Variants in UGT1A8 observed in about 807,000 individuals in gnomAD.
UGT1A8 encodes the protein UDP-glucuronosyltransferase 1A8.
In UGT1A8, 39 loss-of-function variants were observed where a neutral mutation model predicts 45.3. The ratio of observed to expected loss-of-function variants is 0.86; its 90% confidence interval spans 0.67 to 1.12. The LOEUF (loss-of-function observed/expected upper bound fraction) is 1.12, where lower values mean the gene tolerates loss of function less well. Among genes scored for constraint, UGT1A8 ranks in the 50% most tolerant of loss-of-function variants. The pLI is 0.00. For missense variants in UGT1A8, 719 were observed against 664.9 expected (o/e 1.08, Z -0.90); for synonymous variants, 275 against 249.2 (o/e 1.10, Z -0.97).
rs559725558 is a variant in UGT1A8 at position 233,636,816 on chromosome 2, G to T, written c.855+18254G>T. ...TCATGGTTTTCGCCCATGCTCAATG[G>T]AAAGCACAGGCACAAAGTATATTTT... On this transcript the variant is annotated intron_variant, in intron 1 of 4. Transcript: ENST00000373450. 2.5e-6 allele frequency: 4 copies of T among 1,614,184 alleles called. No individual in the cohort carries two copies. The East Asian group carries it at 8.9e-5, about 36-fold the overall frequency.
chr2:233,761,267 C>T, intron 1 of UGT1A8: 1 of 1,593,550 alleles, frequency 6.3e-7, no homozygotes, highest in South Asian at 1.1e-5. Flanking sequence ...TTTAAAATGC[C>T]CTCTTTTGTT....
chr2:233,625,881 A>C (rs1051658668), intron 1 of UGT1A8, among the ~76,000 whole-genome samples: 2 of 151,994 alleles, frequency 1.3e-5, no homozygotes, highest in African/African-American at 4.8e-5. Context: ...AAACATCAGC[A>C]TCACACAATA....
chr2:233,713,462 C>T lies in UGT1A8; in HGVS notation c.856-53572C>T, dbSNP rs146711966. The T allele has an allele frequency of 1.6e-4, 256 of 1,614,090 alleles. 3 individuals are homozygous for T. The African/African-American group carries it at 2.8e-3, about 18-fold the overall frequency. ...TTCTAACAGACCCCTTTCACCTCTG[C>T]GCGGCGGTGCTGGCTAAGTACCTGT... On this transcript the variant is annotated intron_variant, in intron 1 of 4. Transcript: ENST00000373450.
intron 1 of UGT1A8, chr2:233,740,604 A>T (rs537335169): frequency 3.9e-5 from 6 of 151,968 alleles, no homozygotes; most frequent in Non-Finnish European, 5.9e-5. Flanking sequence ...ACAGGTCTCC[A>T]GGTCTCTTGG....
chr2:233,705,079 A>C (rs1298601892), intron 1 of UGT1A8, among the ~76,000 whole-genome samples: 1 of 151,822 alleles, frequency 6.6e-6, no homozygotes, highest in Non-Finnish European at 1.5e-5. Flanking sequence ...GAGGTTGCAG[A>C]GAGCCAAGAT....
At chr2:233,770,476 A>T (rs1030894944) in intron 4 of UGT1A8, 3 of 152,132 alleles carry the variant, frequency 2.0e-5, no homozygotes, top group African/African-American at 7.2e-5. Flanking sequence ...CAACATGAAG[A>T]AACCTTATCT....
intron 1 of UGT1A8, among the ~76,000 whole-genome samples, chr2:233,670,264 G>C (rs892125060): frequency 3.3e-5 from 5 of 152,228 alleles, no homozygotes; most frequent in Admixed American, 1.3e-4. Context: ...GAAGAGGTGG[G>C]TTGGTTTTGC....
chr2:233,618,451 A>G lies in UGT1A8; in HGVS notation c.744A>G (p.Thr248=), dbSNP rs1487469097. 1 of 1,613,902 alleles carries G rather than the reference A, an allele frequency of 6.2e-7. No homozygotes were observed. Among genetic ancestry groups the G allele is most frequent in the Non-Finnish European group, 8.5e-7 (1 of 1,179,826 alleles). The part of the protein sequence containing the change: ...PVTAYDLYSH[T]SIWLLRTDFV... ...CAGCATATGATCTCTACAGCCACAC[A>G]TCAATTTGGTTGTTGCGAACAGACT... The change falls in exon 1 of 5, where the codon ACA becomes ACG. Residue 248 remains threonine, a synonymous_variant. Coordinates refer to ENST00000373450, the MANE Select transcript of UGT1A8 (RefSeq NM_019076.5).
intron 3 of UGT1A8, 134 bp from the exon 4 acceptor site, chr2:233,768,086 A>T: frequency 1.3e-6 from 2 of 1,591,428 alleles, no homozygotes; most frequent in Non-Finnish European, 8.6e-7. Flanking sequence ...ATCTCAACCC[A>T]CATTTTCTTC....
chr2:233,741,332 A>G (rs1691632779), intron 1 of UGT1A8, among the ~76,000 whole-genome samples: 1 of 151,816 alleles, frequency 6.6e-6, no homozygotes, highest in South Asian at 2.1e-4. Context: ...CTCTACCCAG[A>G]GTAGTGATTT....
At chr2:233,724,116 G>A (rs1387797895) in intron 1 of UGT1A8, among the ~76,000 whole-genome samples, 1 of 116,526 alleles carries the variant, frequency 8.6e-6, no homozygotes, top group Non-Finnish European at 1.7e-5. Flanking sequence ...GCCGGGCAGA[G>A]GCGCCCCTCA....
intron 1 of UGT1A8, chr2:233,690,899 ATAGTGATGTTAGTT>A: frequency 1.9e-6 from 2 of 1,035,238 alleles, no homozygotes; most frequent in Non-Finnish European, 1.2e-6. Flanking sequence ...GATGGTATGC[ATAGTGATGTTAGTT>A]TCATTTCTTC....
chr2:233,760,042 T>C (rs1697309671), intron 1 of UGT1A8, among the ~76,000 whole-genome samples: 1 of 152,232 alleles, frequency 6.6e-6, no homozygotes, highest in African/African-American at 2.4e-5. Context: ...TACTTTGCTG[T>C]GTTCACTCAA....
At chr2:233,729,792 C>T (rs370250320) in intron 1 of UGT1A8, 17 of 1,613,864 alleles carry the variant, frequency 1.1e-5, no homozygotes, top group Non-Finnish European at 1.3e-5. Flanking sequence ...CCCTGTCCTA[C>T]ATTTGCCATG....
chr2:233,661,683 T>TTTCTTTC (rs1559329478), intron 1 of UGT1A8, among the ~76,000 whole-genome samples: 1 of 39,388 alleles, frequency 2.5e-5, no homozygotes, highest in African/African-American at 1.2e-4. Flanking sequence ...TTCTTTCTTT[T>TTTCTTTC]TAAACAAAGG....
At chr2:233,678,431 G>A (rs1297546126) in intron 1 of UGT1A8, among the ~76,000 whole-genome samples, 2 of 152,186 alleles carry the variant, frequency 1.3e-5, no homozygotes, top group Admixed American at 1.3e-4. Context: ...GGGTGGCAGA[G>A]GCAGAAGAGG....
At position 233,713,135 on chromosome 2, in the gene UGT1A8, G is replaced by T. The variant is rs772419709; in HGVS notation, c.856-53899G>T. Reference sequence around the variant, plus strand: ...ACTGGCTCAGCATGCGGGAGGCCTTGCGGGACCTCCATGCGAGAGGCCACC... The same window carrying T: ...ACTGGCTCAGCATGCGGGAGGCCTTTCGGGACCTCCATGCGAGAGGCCACC... On this transcript the variant is annotated intron_variant, in intron 1 of 4. Transcript: ENST00000373450. 3 of 1,614,216 alleles carry T rather than the reference G, an allele frequency of 1.9e-6. No homozygotes were observed. In the South Asian group the frequency reaches 3.3e-5, roughly 18 times the overall value.
chr2:233,748,015 C>G (rs746722710), intron 1 of UGT1A8: 4 of 1,613,310 alleles, frequency 2.5e-6, no homozygotes. Flanking sequence ...TACCCCAGGC[C>G]GATCATGCCC....
chr2:233,699,793 A>G (rs529077089), intron 1 of UGT1A8, among the ~76,000 whole-genome samples: 1 of 152,296 alleles, frequency 6.6e-6, no homozygotes, highest in South Asian at 2.1e-4. Flanking sequence ...TCCTCCTCTC[A>G]TATTCTGGAG....
Sources: gnomAD v4.1 joint callset for allele counts (sites outside exome capture counted in the v4.1 genomes callset) on GRCh38, gnomAD v4.1.1 for gene constraint, MANE v1.5 for transcripts, NCBI Gene and HGNC (gene_info 2026-07-23, HGNC 2026-07-21) for gene names.